Variants in PCDH11Y observed in about 807,000 individuals in gnomAD.
The protein encoded by PCDH11Y is protocadherin-11 Y-linked.
For missense variants in PCDH11Y, 12 were observed against 224.8 expected (o/e 0.05, Z 6.05); for synonymous variants, 9 against 83.6 (o/e 0.11, Z 4.87).
chrY:5,231,039 T>C, intron 2 of PCDH11Y, among the ~76,000 whole-genome samples: 1 of 32,422 alleles, frequency 3.1e-5, no homozygotes. Flanking sequence ...GATAGAATTC[T>C]AAATTCCTTC....
At chrY:5,209,306 C>T in intron 2 of PCDH11Y, among the ~76,000 whole-genome samples, 1 of 33,072 alleles carries the variant, frequency 3.0e-5, no homozygotes, top group African/African-American at 1.2e-4. Flanking sequence ...GCCCTTCTCC[C>T]GCCCCCCATC....
intron 3 of PCDH11Y, among the ~76,000 whole-genome samples, chrY:5,516,191 GTAAT>G (rs2053372427): frequency 3.0e-5 from 1 of 33,392 alleles, no homozygotes; most frequent in African/African-American, 1.2e-4. Context: ...TACAAGACAA[GTAAT>G]TAACATTGTA....
intron 3 of PCDH11Y, among the ~76,000 whole-genome samples, chrY:5,541,734 TC>T (rs2053407156): frequency 5.9e-4 from 15 of 25,416 alleles, no homozygotes; most frequent in Admixed American, 1.3e-3. Context: ...TTTCTTTCTT[TC>T]TTTCTTTCTT....
intron 3 of PCDH11Y, among the ~76,000 whole-genome samples, chrY:5,576,575 A>G (rs2053446241): frequency 3.0e-5 from 1 of 33,650 alleles, no homozygotes; most frequent in Non-Finnish European, 7.4e-5. Flanking sequence ...AATTTAAAAT[A>G]TTAAGGCTAG....
At chrY:5,107,492 A>G, downstream of PCDH11Y, among the ~76,000 whole-genome samples, 1 of 32,757 alleles carries the variant, frequency 3.1e-5, no homozygotes, top group Admixed American at 2.8e-4. Context: ...TCTCTATTTG[A>G]GAACAACATG....
intron 2 of PCDH11Y, among the ~76,000 whole-genome samples, chrY:5,421,888 G>T: frequency 3.2e-5 from 1 of 31,099 alleles, no homozygotes; most frequent in Non-Finnish European, 7.8e-5. Flanking sequence ...GGATTTGAAA[G>T]AAAGACATTA....
At chrY:5,603,855 AAAAGAAAGAAAGAAAGAAAGAAAGAAAG>A in intron 4 of PCDH11Y, among the ~76,000 whole-genome samples, 1 of 9,106 alleles carries the variant, frequency 1.1e-4, no homozygotes, top group Admixed American at 1.2e-3. Context: ...GAAAGAAAGA[AAAAGAAAGAAAGAAAGAAAGAAAGAAAG>A]AAAGAAAGAA....
intron 2 of PCDH11Y, among the ~76,000 whole-genome samples, chrY:5,373,470 C>A: frequency 3.3e-5 from 1 of 30,046 alleles, no homozygotes; most frequent in African/African-American, 1.3e-4. Context: ...TAGGCCTGAG[C>A]CACTGCGTCG....
intron 4 of PCDH11Y, among the ~76,000 whole-genome samples, chrY:5,710,563 C>T (rs2053585643): frequency 1.5e-3 from 48 of 32,881 alleles, no homozygotes; most frequent in Admixed American, 1.1e-3. Flanking sequence ...GTATTTAGGA[C>T]CCCTATCAGC....
At chrY:5,119,849 T>C (rs2052815625) in intron 2 of PCDH11Y, among the ~76,000 whole-genome samples, 1 of 31,305 alleles carries the variant, frequency 3.2e-5, no homozygotes, top group African/African-American at 1.2e-4. Flanking sequence ...AGAGGCAAAG[T>C]TCATCATTTA....
At chrY:5,228,871 T>G in intron 2 of PCDH11Y, among the ~76,000 whole-genome samples, 1 of 32,682 alleles carries the variant, frequency 3.1e-5, no homozygotes, top group African/African-American at 1.2e-4. Context: ...ATCCATGTGC[T>G]AAGGAAAAGA....
intron 1 of PCDH11Y, among the ~76,000 whole-genome samples, chrY:5,003,102 A>C: frequency 3.1e-5 from 1 of 32,505 alleles, no homozygotes; most frequent in African/African-American, 1.2e-4. Context: ...CCCCCCTTCC[A>C]GTCCCTCGCT....
At chrY:5,529,018 G>A in intron 3 of PCDH11Y, among the ~76,000 whole-genome samples, 2 of 32,608 alleles carry the variant, frequency 6.1e-5, no homozygotes, top group African/African-American at 2.4e-4. Context: ...ATAAAATATT[G>A]GCATTCTATA....
intron 2 of PCDH11Y, among the ~76,000 whole-genome samples, chrY:5,434,520 A>ATCTC: frequency 3.4e-5 from 1 of 29,066 alleles, no homozygotes. Flanking sequence ...TGATCTCATG[A>ATCTC]TCTCTCTCTC....
At chrY:5,357,732 T>C in intron 2 of PCDH11Y, among the ~76,000 whole-genome samples, 1 of 33,420 alleles carries the variant, frequency 3.0e-5, no homozygotes, top group African/African-American at 1.2e-4. Context: ...GGTAATTAGC[T>C]TACAAAAATG....
chrY:5,688,964 C>A (rs2053565757), intron 4 of PCDH11Y, among the ~76,000 whole-genome samples: 6 of 31,205 alleles, frequency 1.9e-4, no homozygotes, highest in African/African-American at 7.6e-4. Context: ...CTTGGGGAGG[C>A]CGAGGTGGGC....
intron 2 of PCDH11Y, among the ~76,000 whole-genome samples, chrY:5,447,400 G>A (rs112837135): frequency 5.9e-3 from 179 of 30,411 alleles, no homozygotes; most frequent in Non-Finnish European, 0.011. Flanking sequence ...GGCTTAATAC[G>A]TATAAAGTAT....
chrY:5,003,736 T>G, intron 1 of PCDH11Y, among the ~76,000 whole-genome samples: 4 of 33,563 alleles, frequency 1.2e-4, no homozygotes, highest in Admixed American at 1.1e-3. Context: ...GCTCTTATAG[T>G]CCTAAGGAGC....
At chrY:5,339,393 C>T (rs2053142553) in intron 2 of PCDH11Y, among the ~76,000 whole-genome samples, 1 of 31,060 alleles carries the variant, frequency 3.2e-5, no homozygotes, top group Non-Finnish European at 7.7e-5. Flanking sequence ...GCTCTGTCGC[C>T]CAGGCTGGAG....
Sources: gnomAD v4.1 joint callset for allele counts (sites outside exome capture counted in the v4.1 genomes callset) on GRCh38, gnomAD v4.1.1 for gene constraint, MANE v1.5 for transcripts, NCBI Gene and HGNC (gene_info 2026-07-23, HGNC 2026-07-21) for gene names.